Variants in LASP1 observed in about 807,000 individuals in gnomAD.
The protein encoded by LASP1 is LIM and SH3 protein 1.
In LASP1, 10 loss-of-function variants were observed where a neutral mutation model predicts 38.6. The ratio of observed to expected loss-of-function variants is 0.26; its 90% confidence interval spans 0.16 to 0.44. The LOEUF (loss-of-function observed/expected upper bound fraction) is 0.44, where lower values mean the gene tolerates loss of function less well. LASP1 is among the 20% of genes least tolerant of loss of function. The pLI, the probability that LASP1 is intolerant of heterozygous loss-of-function variation, is 1.00. For missense variants in LASP1, 243 were observed against 375.7 expected (o/e 0.65, Z 2.92); for synonymous variants, 132 against 140.8 (o/e 0.94, Z 0.44).
chr17:38,883,491 T>C (rs1914010628), intron 2 of LASP1, among the ~76,000 whole-genome samples: 1 of 152,074 alleles, frequency 6.6e-6, no homozygotes, highest in African/African-American at 2.4e-5. Flanking sequence ...ACTGGAAAAA[T>C]GGGGACTAGG....
intron 2 of LASP1, among the ~76,000 whole-genome samples, chr17:38,884,786 G>T (rs1284574577): frequency 1.3e-5 from 2 of 149,996 alleles, no homozygotes; most frequent in African/African-American, 5.0e-5. Flanking sequence ...CGCTTCCCGG[G>T]TTCAAGGGAT....
intron 4 of LASP1, among the ~76,000 whole-genome samples, chr17:38,913,566 G>A (rs969587421): frequency 2.0e-5 from 3 of 152,156 alleles, no homozygotes; most frequent in Non-Finnish European, 4.4e-5. Flanking sequence ...CCTCAGGGGC[G>A]CTGACGAGCT....
At position 38,918,393 on chromosome 17, in the gene LASP1, C is replaced by G. The variant is rs931501405; in HGVS notation, c.613-212C>G. Among the ~76,000 whole-genome samples the G allele has an allele frequency of 2.0e-5, 3 of 152,154 alleles. No individual in the cohort carries two copies. Among genetic ancestry groups the G allele is most frequent in the African/African-American group, 7.2e-5 (3 of 41,422 alleles). ...GACCCGGTCCCTGCTCTGCCTCTGG[C>G]CCTTAGTAGCTGCCAAAGGTTGTAA... On this transcript the variant is annotated intron_variant, in intron 6 of 6. Coordinates refer to ENST00000318008, the MANE Select transcript of LASP1 (RefSeq NM_006148.4). The surrounding 1 kb of genome is among the most constrained non-coding windows in gnomAD (Gnocchi z 4.4).
At chr17:38,913,556 C>G (rs1598121731) in intron 4 of LASP1, among the ~76,000 whole-genome samples, 1 of 152,184 alleles carries the variant, frequency 6.6e-6, no homozygotes, top group South Asian at 2.1e-4. Context: ...GCAATCTACC[C>G]CTCAGGGGCG....
At chr17:38,886,072 C>A (rs952903843) in intron 2 of LASP1, among the ~76,000 whole-genome samples, 33 of 152,110 alleles carry the variant, frequency 2.2e-4, no homozygotes, top group South Asian at 1.0e-3. Flanking sequence ...CTTCCTCAAC[C>A]CCCGTAGACC....
At chr17:38,911,775 T>C (rs533789052) in intron 4 of LASP1, among the ~76,000 whole-genome samples, 2 of 148,588 alleles carry the variant, frequency 1.3e-5, no homozygotes, top group Non-Finnish European at 3.0e-5. Context: ...TATGTGAGGC[T>C]TTATGACTTG....
At chr17:38,873,238 C>T (rs1323455031) in intron 1 of LASP1, among the ~76,000 whole-genome samples, 2 of 152,112 alleles carry the variant, frequency 1.3e-5, no homozygotes, top group African/African-American at 2.4e-5. Context: ...CCTCCCCACT[C>T]GAGGGGGTTG....
chr17:38,915,094 A>G lies in LASP1; in HGVS notation c.560A>G (p.Lys187Arg), dbSNP rs1346244264. ...QPVAQSYGGY[K>R]EPAAPVSIQR... ...GTGGCCCAGTCCTATGGTGGCTACA[A>G]GGAGCCTGCAGCCCCAGTCTCCATA... Residue 187 changes from lysine (K) to arginine (R), a missense_variant, in exon 6 of 7, where the codon AAG becomes AGG. Lys to Arg is a conservative substitution (Grantham distance 26, BLOSUM62 2). This residue lies in a region of LASP1 where 165 missense variants were observed against 210.3 expected (regional missense o/e 0.78). Coordinates refer to ENST00000318008, the MANE Select transcript of LASP1 (RefSeq NM_006148.4). The G allele has an allele frequency of 6.2e-7, 1 of 1,613,968 alleles. No individual in the cohort carries two copies. Among genetic ancestry groups the G allele is most frequent in the Admixed American group, 1.7e-5 (1 of 60,016 alleles).
At chr17:38,892,217 G>A (rs529161229) in intron 3 of LASP1, among the ~76,000 whole-genome samples, 3 of 152,334 alleles carry the variant, frequency 2.0e-5, no homozygotes, top group South Asian at 2.1e-4. Context: ...TAGGGGAACC[G>A]AGTGAGTGAA....
rs534895215 is a variant in LASP1, at chr17:38,907,550, A to T, written c.358-6775A>T. Among the ~76,000 whole-genome samples, 5 of 152,204 alleles carry T rather than the reference A, an allele frequency of 3.3e-5. No individual in the cohort carries two copies. In the South Asian group the frequency reaches 1.0e-3, roughly 32 times the overall value. On this transcript the variant is annotated intron_variant, in intron 4 of 6. Transcript: ENST00000318008. ...GAGCCTCATGTTCCTCTTCTGGAAG[A>T]TGGGAATGAAAGTGTGCGTGTCCGG...
intron 3 of LASP1, among the ~76,000 whole-genome samples, chr17:38,897,594 G>C (rs1200897135): frequency 1.3e-5 from 2 of 152,236 alleles, no homozygotes; most frequent in Non-Finnish European, 2.9e-5. Context: ...TGCCAGGGAA[G>C]TCCTTTCTGA....
chr17:38,894,762 G>C (rs1249846454), intron 3 of LASP1, among the ~76,000 whole-genome samples: 1 of 151,932 alleles, frequency 6.6e-6, no homozygotes, highest in Non-Finnish European at 1.5e-5. Flanking sequence ...TTTTGAGACA[G>C]GGTCTCTCTC....
At chr17:38,889,841 A>T (rs531184728) in intron 2 of LASP1, among the ~76,000 whole-genome samples, 1 of 152,040 alleles carries the variant, frequency 6.6e-6, no homozygotes, top group Admixed American at 6.5e-5. Flanking sequence ...TGGCCTTCCC[A>T]CCTACCCTCC....
chr17:38,890,305 C>G, intron 2 of LASP1, 115 bp from the exon 3 acceptor site: 1 of 906,960 alleles, frequency 1.1e-6, no homozygotes, highest in South Asian at 1.5e-5. Context: ...TGGGGCCGGG[C>G]CAGGGCGTGC....
chr17:38,918,843 C>A lies in LASP1; in HGVS notation c.*65C>A, dbSNP rs114909359. 5.8e-6 allele frequency: 9 copies of A among 1,547,842 alleles called. No individual in the cohort carries two copies. Among genetic ancestry groups the A allele is most frequent in the Non-Finnish European group, 7.9e-6 (9 of 1,132,360 alleles). On this transcript the variant is annotated 3_prime_UTR_variant, in exon 7 of 7. Transcript: ENST00000318008. The surrounding 1 kb of genome is among the most constrained non-coding windows in gnomAD (Gnocchi z 4.4). The stretch of plus-strand genomic sequence containing the variant: ...CATCGCATCCGTCCTGGGCGTGACC[C>A]GTCCATTCTTCAGTGTCTCTGTTTT...
rs1913551835 is a variant in LASP1 at position 38,870,113 on chromosome 17, C to T, written c.-77C>T. The stretch of plus-strand genomic sequence containing the variant: ...GCTGCCTGTGTAGTTGCAGCCGCGG[C>T]CGCCTCCCGCCAGCTCGCCTCGGGG... On this transcript the variant is annotated 5_prime_UTR_variant, in exon 1 of 7. Coordinates refer to ENST00000318008, the MANE Select transcript of LASP1 (RefSeq NM_006148.4). 1.3e-6 allele frequency: 2 copies of T among 1,547,048 alleles called. No homozygotes were observed. Among genetic ancestry groups the T allele is most frequent in the South Asian group, 2.2e-5 (2 of 89,186 alleles).
At chr17:38,879,138 T>A (rs186629034) in intron 2 of LASP1, among the ~76,000 whole-genome samples, 1 of 150,384 alleles carries the variant, frequency 6.6e-6, no homozygotes, top group East Asian at 2.0e-4. Flanking sequence ...GATGTAATGA[T>A]AATTTCTTTT....
chr17:38,884,668 C>T (rs965521885), intron 2 of LASP1, among the ~76,000 whole-genome samples: 14 of 143,920 alleles, frequency 9.7e-5, no homozygotes, highest in Non-Finnish European at 1.5e-4. Flanking sequence ...AGGATTACAG[C>T]GTGAGCCACC....
At position 38,898,474 on chromosome 17, in the gene LASP1, G is replaced by A. The variant is rs1444156861; in HGVS notation, c.312G>A (p.Thr104=). The A allele has an allele frequency of 1.3e-5, 20 of 1,551,494 alleles. No individual in the cohort carries two copies. In the Middle Eastern group the frequency reaches 5.0e-4, roughly 39 times the overall value. Residue 104 remains threonine (T), a synonymous_variant, in exon 4 of 7, where the codon ACG becomes ACA. Coordinates refer to ENST00000318008, the MANE Select transcript of LASP1 (RefSeq NM_006148.4). The part of the protein sequence containing the change: ...KGKGFSVVAD[T]PELQRIKKTQ... ...AAGGTTTCAGCGTAGTGGCAGACAC[G>A]CCCGAGCTCCAGAGAATCAAGAAGA...
Sources: gnomAD v4.1 joint callset for allele counts (sites outside exome capture counted in the v4.1 genomes callset) on GRCh38, gnomAD v4.1.1 for gene constraint, gnomAD v4.1.1 regional missense constraint, Gnocchi (gnomAD v3.1) non-coding constraint, MANE v1.5 for transcripts, NCBI Gene and HGNC (gene_info 2026-07-23, HGNC 2026-07-21) for gene names.